The following ZFHX3 variants were observed in gnomAD, a reference collection of about 807,000 sequenced individuals.
ZFHX3 encodes the protein zinc finger homeobox protein 3.
ZFHX3 carries 42 observed loss-of-function variants against 279.1 expected under a neutral mutation model. The ratio of observed to expected loss-of-function variants is 0.15; its 90% CI spans 0.12 to 0.19. The LOEUF (loss-of-function observed/expected upper bound fraction) is 0.19, where lower values mean the gene tolerates loss of function less well. Ranked by LOEUF, ZFHX3 falls within the 10% of genes least tolerant of loss-of-function variation. The pLI, the probability that ZFHX3 is intolerant of heterozygous loss-of-function variation, is 1.00. For missense variants in ZFHX3, 4,981 were observed against 4,754.0 expected, an observed-to-expected ratio of 1.05 and a Z score of -1.40; for synonymous variants, 2,293 against 1,957.8, an observed-to-expected ratio of 1.17 and a Z score of -4.52.
intron 1 of ZFHX3, among the ~76,000 whole-genome samples, chr16:73,036,112 A>G (rs533154992): frequency 6.6e-6 from 1 of 152,198 alleles, no homozygotes; most frequent in South Asian, 2.1e-4. Flanking sequence ...ACCACACAGC[A>G]CACGCGTGCG....
chr16:73,605,711 A>T (rs1022987986), intron 2 of ZFHX3, among the ~76,000 whole-genome samples: 9 of 151,978 alleles, frequency 5.9e-5, no homozygotes, highest in African/African-American at 1.9e-4. Flanking sequence ...GCTGGAGAGA[A>T]AGAATGATGT....
intron 1 of ZFHX3, among the ~76,000 whole-genome samples, chr16:73,691,884 C>T (rs1440586615): frequency 6.6e-6 from 1 of 152,176 alleles, no homozygotes; most frequent in African/African-American, 2.4e-5. Context: ...AGGAGCACCT[C>T]CTCTATGCGA....
chr16:73,413,823 C>A (rs1280050071), intron 3 of ZFHX3, among the ~76,000 whole-genome samples: 2 of 152,118 alleles, frequency 1.3e-5, no homozygotes, highest in East Asian at 3.9e-4. Flanking sequence ...ACTGGAGAAA[C>A]CAAATGTTCT....
At chr16:73,702,844 C>A (rs1011451233) in intron 1 of ZFHX3, among the ~76,000 whole-genome samples, 1 of 152,046 alleles carries the variant, frequency 6.6e-6, no homozygotes, top group African/African-American at 2.4e-5. Context: ...TCCACTGTGC[C>A]GAACTGTATG....
intron 2 of ZFHX3, among the ~76,000 whole-genome samples, chr16:73,597,054 A>G (rs750008389): frequency 6.6e-6 from 1 of 152,176 alleles, no homozygotes; most frequent in Non-Finnish European, 1.5e-5. Context: ...TCATCACCAT[A>G]TGTACTGTTC....
chr16:73,753,729 G>A (rs1005805356), intron 1 of ZFHX3, among the ~76,000 whole-genome samples: 9 of 152,048 alleles, frequency 5.9e-5, no homozygotes, highest in African/African-American at 1.9e-4. Context: ...TTTAGGGATC[G>A]CCTGTCCTGC....
chr16:73,687,823 G>GCCAAACTA (rs397936576), intron 1 of ZFHX3, among the ~76,000 whole-genome samples: 39 of 131,498 alleles, frequency 3.0e-4, no homozygotes, highest in Non-Finnish European at 4.7e-4. Context: ...ACTCCAAACT[G>GCCAAACTA]GTGACAGAGC....
chr16:73,435,587 C>T (rs7192733), intron 3 of ZFHX3, among the ~76,000 whole-genome samples: 31,741 of 152,064 alleles, frequency 0.21, 3,541 homozygotes, highest in East Asian at 0.43. Flanking sequence ...ACTTCTCTCC[C>T]CTCATTTGTG....
intron 5 of ZFHX3, among the ~76,000 whole-genome samples, chr16:73,212,615 T>G (rs2012059282): frequency 6.6e-6 from 1 of 152,250 alleles, no homozygotes; most frequent in East Asian, 1.9e-4. Context: ...TGGAGCCACC[T>G]GGATCATTTG....
At chr16:73,053,304 G>A (rs574117814) in intron 1 of ZFHX3, among the ~76,000 whole-genome samples, 14 of 152,248 alleles carry the variant, frequency 9.2e-5, no homozygotes, top group Non-Finnish European at 1.2e-4. Flanking sequence ...GGCAGGAAAC[G>A]GGGAGAAACA....
chr16:72,903,518 A>C (rs912648688), intron 3 of ZFHX3, among the ~76,000 whole-genome samples: 11 of 152,192 alleles, frequency 7.2e-5, no homozygotes, highest in Non-Finnish European at 7.3e-5. Context: ...GATCGGAAAT[A>C]GTCCAGATGC....
At chr16:73,065,608 CGTGTGT>C (rs1451080925) in intron 8 of ZFHX3, among the ~76,000 whole-genome samples, 2 of 98,728 alleles carry the variant, frequency 2.0e-5, no homozygotes, top group African/African-American at 7.6e-5. Context: ...TGTGTGTGTG[CGTGTGT>C]GTGTCTCCCC....
At chr16:73,666,085 G>C (rs1567546398) in intron 2 of ZFHX3, among the ~76,000 whole-genome samples, 1 of 151,696 alleles carries the variant, frequency 6.6e-6, no homozygotes, top group Non-Finnish European at 1.5e-5. Context: ...CAAAGTGCTG[G>C]GGTTACAGGC....
chr16:72,967,456 GAAA>G (rs995787602), intron 1 of ZFHX3, among the ~76,000 whole-genome samples: 1 of 146,750 alleles, frequency 6.8e-6, no homozygotes, highest in Non-Finnish European at 1.5e-5. Flanking sequence ...CCTACTTTAA[GAAA>G]AAAAAAAGTG....
chr16:73,310,151 C>T (rs2015292136), intron 4 of ZFHX3, among the ~76,000 whole-genome samples: 1 of 151,956 alleles, frequency 6.6e-6, no homozygotes, highest in Admixed American at 6.6e-5. Context: ...TTGTGATCTG[C>T]CCGCCTTGGA....
In ZFHX3 at chr16:72,958,794, C is replaced by T; in HGVS notation, c.1352G>A (p.Cys451Tyr). Residue 451 changes from cysteine to tyrosine, a missense_variant, in exon 2 of 10, where the codon TGC (cysteine) becomes TAC (tyrosine). Coordinates refer to ENST00000268489, the MANE Select transcript of ZFHX3 (RefSeq NM_006885.4). ...GGCTGGCTCTACCTTCTCAGAGAAG[C>T]AATCCCCGTCGCCCACTTCCTGCTT... ...GEKQEVGDGD[C>Y]FSEKVEPAEE... 2 of 1,614,156 alleles carry T rather than the reference C, an allele frequency of 1.2e-6. No homozygotes were observed. The highest frequency in any genetic ancestry group is 1.7e-6 in the Non-Finnish European group (2 of 1,180,040).
At chr16:72,939,394 A>G (rs1960298191) in intron 3 of ZFHX3, among the ~76,000 whole-genome samples, 1 of 152,238 alleles carries the variant, frequency 6.6e-6, no homozygotes, top group African/African-American at 2.4e-5. Flanking sequence ...GAAACCAGCA[A>G]GACATGTTCT....
At chr16:73,636,529 G>T (rs556212308) in intron 2 of ZFHX3, among the ~76,000 whole-genome samples, 34 of 152,164 alleles carry the variant, frequency 2.2e-4, no homozygotes, top group Non-Finnish European at 4.1e-4. Flanking sequence ...GAACTGAAAA[G>T]CTATGAAAAT....
intron 2 of ZFHX3, among the ~76,000 whole-genome samples, chr16:73,468,258 G>A (rs556444588): frequency 6.6e-6 from 1 of 152,264 alleles, no homozygotes; most frequent in East Asian, 1.9e-4. Flanking sequence ...GGCCCAGGAT[G>A]ACTGTCCCCA....
Sources: gnomAD v4.1 joint callset for allele counts (sites outside exome capture counted in the v4.1 genomes callset) on GRCh38, gnomAD v4.1.1 for gene constraint, MANE v1.5 for transcripts, NCBI Gene and HGNC (gene_info 2026-07-23, HGNC 2026-07-21) for gene names.